The following SMAP1 variants were observed in gnomAD, a reference collection of about 807,000 sequenced individuals.
The protein encoded by SMAP1 is stromal membrane-associated protein 1.
Under a neutral mutation model 58.5 loss-of-function variants are expected in SMAP1, and 24 were observed. That is an observed-to-expected ratio of 0.41 (90% CI 0.30 to 0.58). SMAP1 has a LOEUF of 0.58. Among genes scored for constraint, SMAP1 ranks in the 20% least tolerant of loss-of-function variants. SMAP1 has a pLI of 0.29. For missense variants in SMAP1, 563 were observed against 566.3 expected (o/e 0.99, Z 0.06); for synonymous variants, 216 against 196.6 (o/e 1.10, Z -0.82).
At chr6:70,783,025 A>T (rs1347536706) in intron 4 of SMAP1, among the ~76,000 whole-genome samples, 1 of 152,162 alleles carries the variant, frequency 6.6e-6, no homozygotes, top group African/African-American at 2.4e-5. Context: ...CCTAACTGGG[A>T]GGCATCCCCT....
rs535595863 is a variant in SMAP1, at chr6:70,762,033, A to G, written c.338+6968A>G. ...GGTGTAATAATAAGTGCCTACCTGT[A>G]CTGGAAATGAGGCTGTACATTGGAG... On this transcript the variant is annotated intron_variant, in intron 3 of 10. Transcript: ENST00000370455. 1.6e-3 allele frequency among the ~76,000 whole-genome samples: 249 copies of G among 152,220 alleles called. 1 individual carries two copies. The highest frequency in any genetic ancestry group is 2.5e-3 in the Non-Finnish European group (171 of 67,974).
chr6:70,756,133 A>G (rs1336671727), intron 3 of SMAP1, among the ~76,000 whole-genome samples: 1 of 152,098 alleles, frequency 6.6e-6, no homozygotes, highest in Non-Finnish European at 1.5e-5. Context: ...CAGCTCATCA[A>G]AATTGTGCTG....
chr6:70,813,723 T>TA lies in SMAP1; in HGVS notation c.576+14986_576+14987insA, dbSNP rs549758584. On this transcript the variant is annotated intron_variant, in intron 6 of 10. Coordinates refer to ENST00000370455, the MANE Select transcript of SMAP1 (RefSeq NM_001044305.3). ...TGGTAATATTTGTCTTTTAACATTTTTAAAAAAATATTTTAAATGCACAAA... is the reference window on the plus strand; with the variant it reads ...TGGTAATATTTGTCTTTTAACATTTTATAAAAAAATATTTTAAATGCACAAA... 2.4e-4 allele frequency among the ~76,000 whole-genome samples: 34 copies of TA among 140,302 alleles called. No individual in the cohort carries two copies. In the South Asian group the frequency reaches 4.2e-3, roughly 17 times the overall value. 92.0% of individuals were successfully genotyped at this position (140,302 alleles called of 152,430 possible). A position where few individuals can be genotyped will look rare whatever the true frequency, so the allele number is the denominator to read the frequency against.
chr6:70,859,367 C>T (rs953080074), intron 10 of SMAP1: 33 of 1,549,494 alleles, frequency 2.1e-5, no homozygotes, highest in Non-Finnish European at 2.9e-5. Context: ...AGCACTCCAT[C>T]AGTGCAATCT....
intron 4 of SMAP1, among the ~76,000 whole-genome samples, chr6:70,789,724 CA>C (rs35376781): frequency 0.041 from 3,015 of 73,666 alleles, 21 homozygotes; most frequent in Non-Finnish European, 0.049. Context: ...GACTCTGTCT[CA>C]AAAAAAAAAA....
chr6:70,708,770 A>C (rs1206738480), intron 1 of SMAP1, among the ~76,000 whole-genome samples: 1 of 152,134 alleles, frequency 6.6e-6, no homozygotes, highest in African/African-American at 2.4e-5. Flanking sequence ...CTTCTTTGGA[A>C]AAATGTCTAT....
chr6:70,807,087 C>T (rs1468309551), intron 6 of SMAP1, among the ~76,000 whole-genome samples: 2 of 152,218 alleles, frequency 1.3e-5, no homozygotes, highest in East Asian at 3.8e-4. Flanking sequence ...TATATAACCT[C>T]ATCCCATACT....
chr6:70,812,047 G>A (rs1769414587), intron 6 of SMAP1, among the ~76,000 whole-genome samples: 1 of 152,156 alleles, frequency 6.6e-6, no homozygotes, highest in Non-Finnish European at 1.5e-5. Flanking sequence ...AGAACCGTGT[G>A]TAATTTAAAA....
At chr6:70,688,471 T>C (rs1320641415) in intron 1 of SMAP1, among the ~76,000 whole-genome samples, 4 of 152,134 alleles carry the variant, frequency 2.6e-5, no homozygotes, top group African/African-American at 4.8e-5. Context: ...GTTGTGACTG[T>C]TTTTTATTTT....
intron 3 of SMAP1, among the ~76,000 whole-genome samples, chr6:70,765,998 T>A (rs934038077): frequency 6.6e-6 from 1 of 151,116 alleles, no homozygotes; most frequent in Non-Finnish European, 1.5e-5. Context: ...ATGCAGTGTT[T>A]GGTTTTTTGT....
chr6:70,849,664 T>G (rs1283995853), intron 7 of SMAP1, among the ~76,000 whole-genome samples: 2 of 152,176 alleles, frequency 1.3e-5, no homozygotes, highest in Non-Finnish European at 2.9e-5. Flanking sequence ...TACCTACACA[T>G]ACATAATTTT....
chr6:70,718,819 C>CAAAAAAA (rs5877259), intron 1 of SMAP1, among the ~76,000 whole-genome samples: 10 of 57,540 alleles, frequency 1.7e-4, no homozygotes, highest in African/African-American at 2.5e-4. Flanking sequence ...GACTCCATCT[C>CAAAAAAA]AAAAAAAAAA....
At chr6:70,757,266 G>A (rs1766534318) in intron 3 of SMAP1, among the ~76,000 whole-genome samples, 3 of 146,764 alleles carry the variant, frequency 2.0e-5, no homozygotes, top group African/African-American at 2.5e-5. Context: ...CAAGCAATGG[G>A]GAAAGGATTC....
At chr6:70,748,171 A>T (rs1255685590) in intron 2 of SMAP1, among the ~76,000 whole-genome samples, 1 of 152,168 alleles carries the variant, frequency 6.6e-6, no homozygotes, top group African/African-American at 2.4e-5. Flanking sequence ...AGGAAGATAG[A>T]GAAATTTCTC....
intron 1 of SMAP1, among the ~76,000 whole-genome samples, chr6:70,676,508 T>C (rs556549475): frequency 4.6e-5 from 7 of 152,278 alleles, no homozygotes; most frequent in East Asian, 1.9e-4. Context: ...CCGGGAGATA[T>C]AGTCTGTGCT....
At position 70,861,828 on chromosome 6, in the gene SMAP1, AC is replaced by A; in HGVS notation, c.*1496del. ...GTCGGGCAGCACAAGTGTAATGAATACCTTAGTGCAGTTATTTGCTTTCGGT... is the reference window on the plus strand; with the variant it reads ...GTCGGGCAGCACAAGTGTAATGAATACTTAGTGCAGTTATTTGCTTTCGGT... On this transcript the variant is annotated 3_prime_UTR_variant, in exon 11 of 11. Coordinates refer to ENST00000370455, the MANE Select transcript of SMAP1 (RefSeq NM_001044305.3). 6.2e-7 allele frequency: 1 copy of A among 1,613,922 alleles called. No individual in the cohort carries two copies. The highest frequency in any genetic ancestry group is 8.5e-7 in the Non-Finnish European group (1 of 1,179,934).
intron 4 of SMAP1, among the ~76,000 whole-genome samples, chr6:70,779,764 G>A (rs1217967842): frequency 1.3e-5 from 2 of 152,140 alleles, no homozygotes; most frequent in Non-Finnish European, 2.9e-5. Flanking sequence ...AACTGCCCTT[G>A]TGAGGGATCC....
intron 2 of SMAP1, among the ~76,000 whole-genome samples, chr6:70,751,017 A>G (rs544367931): frequency 6.6e-6 from 1 of 152,198 alleles, no homozygotes; most frequent in Non-Finnish European, 1.5e-5. Flanking sequence ...AGGCGGGCAG[A>G]TCATCTGAGG....
At chr6:70,808,873 A>G (rs1045109074) in intron 6 of SMAP1, among the ~76,000 whole-genome samples, 3 of 149,532 alleles carry the variant, frequency 2.0e-5, no homozygotes, top group South Asian at 4.3e-4. Context: ...AGAAAATAGA[A>G]CCATTTATTT....
Sources: allele counts gnomAD v4.1 joint callset (sites outside exome capture counted in the v4.1 genomes callset), GRCh38; gene constraint gnomAD v4.1.1; transcripts MANE v1.5; gene names NCBI Gene and HGNC (gene_info 2026-07-23, HGNC 2026-07-21).